The following RP1 variants were observed in gnomAD, a reference collection of about 807,000 sequenced individuals.
The protein encoded by RP1 is oxygen-regulated protein 1.
A neutral mutation model predicts 14.8 loss-of-function variants in RP1; 16 were observed. The ratio of observed to expected loss-of-function variants is 1.08; its 90% CI spans 0.73 to 1.65. RP1 has a LOEUF of 1.65. Among genes scored for constraint, RP1 ranks in the 40% most tolerant of loss-of-function variants. RP1 has a pLI of 0.00. For synonymous variants in RP1, 876 were observed against 883.6 expected, an observed-to-expected ratio of 0.99 and a Z score of 0.15; for missense variants, 2,631 against 2,535.0, an observed-to-expected ratio of 1.04 and a Z score of -0.81.
intron 8 of RP1, among the ~76,000 whole-genome samples, chr8:54,674,810 C>T (rs917371723): frequency 6.6e-6 from 1 of 152,064 alleles, no homozygotes; most frequent in African/African-American, 2.4e-5. Context: ...TTGAGGTTGT[C>T]TTCTCTCTTG....
chr8:54,605,662 G>T (rs1183758605), intron 1 of RP1, among the ~76,000 whole-genome samples: 2 of 152,144 alleles, frequency 1.3e-5, no homozygotes, highest in African/African-American at 2.4e-5. Context: ...CATTATTATT[G>T]TGTGGGAGTC....
chr8:54,629,457 C>T lies in RP1; in HGVS notation c.5575C>T (p.Gln1859Ter). The change falls in exon 4 of 4, where the codon CAG (glutamine) becomes TAG (stop). Residue 1859 changes from glutamine to a stop codon, truncating the protein, a stop_gained. Coordinates refer to ENST00000220676, the MANE Select transcript of RP1 (RefSeq NM_006269.2). LOFTEE classifies it low-confidence loss of function (END_TRUNC). ...TCATACAGAGGAGAAGGGTAGTCAT[C>T]AGTCAGAAAGAGTATGCACATCTGT... ...NHHTEEKGSH[Q>*]SERVCTSVTH... 1 of 1,614,106 alleles carries T rather than the reference C, an allele frequency of 6.2e-7. No individual in the cohort carries two copies. The highest frequency in any genetic ancestry group is 8.5e-7 in the Non-Finnish European group (1 of 1,179,966).
chr8:54,828,094 G>A (rs1811429191), intron 24 of RP1, among the ~76,000 whole-genome samples: 1 of 152,100 alleles, frequency 6.6e-6, no homozygotes, highest in African/African-American at 2.4e-5. Context: ...CTATGATAAC[G>A]ATGCTTTCTT....
chr8:54,560,873 C>G (rs1804271241), intron 1 of RP1: 1 of 151,988 alleles, frequency 6.6e-6, no homozygotes, highest in Non-Finnish European at 1.5e-5. Flanking sequence ...ATGTCAATAG[C>G]ATCCAATGGC....
intron 24 of RP1, among the ~76,000 whole-genome samples, chr8:54,824,993 G>T (rs1045377547): frequency 6.8e-6 from 1 of 146,182 alleles, no homozygotes; most frequent in Non-Finnish European, 1.5e-5. Flanking sequence ...TGAGATGGAG[G>T]CTCGCTCTGT....
intron 26 of RP1, among the ~76,000 whole-genome samples, chr8:54,856,262 A>G (rs183419760): frequency 1.2e-4 from 18 of 152,270 alleles, no homozygotes; most frequent in Admixed American, 8.5e-4. Context: ...AAAAGTGCTA[A>G]AAGTCAAGAT....
chr8:54,861,659 G>A (rs1812345680), intron 27 of RP1, among the ~76,000 whole-genome samples: 1 of 151,980 alleles, frequency 6.6e-6, no homozygotes, highest in Non-Finnish European at 1.5e-5. Flanking sequence ...CTGGAGTACA[G>A]TGGTGTGATC....
At chr8:54,635,447 T>C (rs1806327891), downstream of RP1, among the ~76,000 whole-genome samples, 2 of 152,138 alleles carry the variant, frequency 1.3e-5, no homozygotes, top group African/African-American at 4.8e-5. Flanking sequence ...AAAACATGAC[T>C]TGTACATCAC....
chr8:54,705,031 A>G (rs1808116923), intron 14 of RP1, among the ~76,000 whole-genome samples: 1 of 152,166 alleles, frequency 6.6e-6, no homozygotes, highest in Non-Finnish European at 1.5e-5. Flanking sequence ...AGGCTCTGGG[A>G]ACATACTGCC....
intron 3 of RP1, among the ~76,000 whole-genome samples, chr8:54,645,898 T>C (rs1045902348): frequency 1.3e-5 from 2 of 152,176 alleles, no homozygotes; most frequent in Non-Finnish European, 2.9e-5. Flanking sequence ...GTGTCTGCTC[T>C]GGTAAATTGA....
intron 22 of RP1, among the ~76,000 whole-genome samples, chr8:54,764,793 T>A (rs1809721431): frequency 6.6e-6 from 1 of 152,208 alleles, no homozygotes; most frequent in Non-Finnish European, 1.5e-5. Context: ...AAAGGTTTAA[T>A]TGTATCTTAA....
At chr8:54,810,808 T>G (rs1208711877) in intron 24 of RP1, among the ~76,000 whole-genome samples, 1 of 152,178 alleles carries the variant, frequency 6.6e-6, no homozygotes, top group African/African-American at 2.4e-5. Context: ...CTGTTGATGA[T>G]AGAAAAGGGC....
chr8:54,573,277 G>A (rs774409112), intron 1 of RP1, among the ~76,000 whole-genome samples: 17 of 151,808 alleles, frequency 1.1e-4, no homozygotes, highest in Non-Finnish European at 2.5e-4. Flanking sequence ...TCTTTCCAAA[G>A]CAAACAGAAC....
At chr8:54,674,501 G>T (rs898723879) in intron 8 of RP1, among the ~76,000 whole-genome samples, 10 of 142,196 alleles carry the variant, frequency 7.0e-5, no homozygotes, top group Non-Finnish European at 1.5e-4. Context: ...GACTACTAGA[G>T]GACACATACC....
At chr8:54,708,489 G>A (rs1425698381) in intron 15 of RP1, among the ~76,000 whole-genome samples, 1 of 152,014 alleles carries the variant, frequency 6.6e-6, no homozygotes, top group East Asian at 1.9e-4. Context: ...CCAGAGTAGG[G>A]ACTACAGGTG....
At chr8:54,781,705 T>A (rs1810194178) in intron 23 of RP1, among the ~76,000 whole-genome samples, 1 of 152,176 alleles carries the variant, frequency 6.6e-6, no homozygotes, top group South Asian at 2.1e-4. Flanking sequence ...AGAAGTTAAG[T>A]GATTAGATTT....
At chr8:54,749,175 CA>C (rs1243609507) in intron 19 of RP1, among the ~76,000 whole-genome samples, 1 of 151,688 alleles carries the variant, frequency 6.6e-6, no homozygotes, top group Non-Finnish European at 1.5e-5. Flanking sequence ...CTAAAAAATA[CA>C]AAAAATTAGC....
rs1309292222 is a variant in RP1, at chr8:54,812,810, TCTCC to T, written c.3616-24639_3616-24636del. Among the ~76,000 whole-genome samples, 546 of 148,870 alleles carry T rather than the reference TCTCC, an allele frequency of 3.7e-3. 3 individuals are homozygous for T. Among genetic ancestry groups the T allele is most frequent in the African/African-American group, 0.013 (510 of 39,114 alleles). On this transcript the variant is annotated intron_variant, in intron 24 of 28. Coordinates refer to the RP1 transcript ENST00000637698. ...CTATCTATCTATCTATCTATCTATC[TCTCC>T]GTCTTCTATCATTTATCTATTGAAT...
chr8:54,657,109 G>C (rs1211463426), intron 6 of RP1, among the ~76,000 whole-genome samples: 1 of 152,096 alleles, frequency 6.6e-6, no homozygotes, highest in African/African-American at 2.4e-5. Flanking sequence ...AATAGCCCTA[G>C]TTACTGAAAA....
Sources: gnomAD v4.1 joint callset for allele counts (sites outside exome capture counted in the v4.1 genomes callset) on GRCh38, gnomAD v4.1.1 for gene constraint, MANE v1.5 for transcripts, NCBI Gene and HGNC (gene_info 2026-07-23, HGNC 2026-07-21) for gene names.